Variants in CCAR1 observed in about 807,000 individuals in gnomAD.
CCAR1 encodes cell division cycle and apoptosis regulator 1.
A neutral mutation model predicts 163.8 loss-of-function variants in CCAR1; 78 were observed. The observed-to-expected ratio is 0.48, with a 90% confidence interval of 0.40 to 0.57. The LOEUF (loss-of-function observed/expected upper bound fraction) is 0.57, where lower values mean the gene tolerates loss of function less well. Ranked by LOEUF, CCAR1 falls within the 20% of genes least tolerant of loss-of-function variation. The probability of loss-of-function intolerance (pLI) is 0.00; values close to 1 mark genes in which losing one functional copy is unlikely to be tolerated. For synonymous variants in CCAR1, 443 were observed against 460.7 expected (o/e 0.96, Z 0.49); for missense variants, 1,019 against 1,365.2 (o/e 0.75, Z 4.00).
intron 21 of CCAR1, among the ~76,000 whole-genome samples, chr10:68,787,359 A>T (rs1436631168): frequency 6.6e-6 from 1 of 151,980 alleles, no homozygotes; most frequent in Non-Finnish European, 1.5e-5. Context: ...CATTATACAG[A>T]TGTACCATAA....
chr10:68,755,615 C>G, intron 13 of CCAR1, 79 bp downstream of exon 13: 1 of 1,278,344 alleles, frequency 7.8e-7, no homozygotes, highest in Non-Finnish European at 1.1e-6. Context: ...AGCCTTTTCC[C>G]CCCGGCTTAT....
intron 19 of CCAR1, among the ~76,000 whole-genome samples, 187 bp from the exon 20 acceptor site, chr10:68,785,943 TTTGTTG>T (rs985566001): frequency 6.6e-6 from 1 of 152,148 alleles, no homozygotes; most frequent in Non-Finnish European, 1.5e-5. Context: ...TCTTTATGTT[TTTGTTG>T]TTGTTGTTTA....
At chr10:68,752,872 A>AGATAG (rs2056348954) in intron 10 of CCAR1, among the ~76,000 whole-genome samples, 1 of 149,120 alleles carries the variant, frequency 6.7e-6, no homozygotes, top group African/African-American at 2.5e-5. Flanking sequence ...TTCTGCCTGT[A>AGATAG]GATAGGATAG....
At chr10:68,773,347 A>G (rs2056626169) in intron 19 of CCAR1, among the ~76,000 whole-genome samples, 1 of 152,098 alleles carries the variant, frequency 6.6e-6, no homozygotes, top group Admixed American at 6.6e-5. Context: ...TTCCCGGAAC[A>G]TGGTGCCTAA....
In CCAR1 at chr10:68,757,287, A is replaced by G. The variant is rs768398891; in HGVS notation, c.1837-7A>G. The G allele has an allele frequency of 1.4e-6, 2 of 1,433,072 alleles. No individual in the cohort carries two copies. The highest frequency in any genetic ancestry group is 2.0e-6 in the Non-Finnish European group (2 of 1,021,114). The allele number at this position is 1,433,072 out of a possible 1,614,324, so 88.8% of individuals were successfully genotyped here. A position where few individuals can be genotyped will look rare whatever the true frequency, so the allele number is the denominator to read the frequency against. On this transcript the variant is annotated splice_polypyrimidine_tract_variant and splice_region_variant and intron_variant, in intron 14 of 24. Transcript: ENST00000265872. ...ATAGTAATTACATTCTTAACTTTGT[A>G]TGTCAGGATGAAGAAGAGAAGGATG...
At chr10:68,742,103 G>A (rs1344181893) in intron 5 of CCAR1, among the ~76,000 whole-genome samples, 3 of 152,168 alleles carry the variant, frequency 2.0e-5, no homozygotes, top group Non-Finnish European at 2.9e-5. Flanking sequence ...TTTGAGGAAT[G>A]CTGAGTTCCT....
intron 12 of CCAR1, 128 bp downstream of exon 12, chr10:68,754,955 C>T: frequency 1.6e-6 from 1 of 611,066 alleles, no homozygotes; most frequent in Non-Finnish European, 2.9e-6. Context: ...TATTAAGGCA[C>T]CCAGAATTTA....
chr10:68,738,766 G>A (rs956666573), intron 4 of CCAR1, among the ~76,000 whole-genome samples: 1 of 152,062 alleles, frequency 6.6e-6, no homozygotes, highest in Admixed American at 6.6e-5. Flanking sequence ...GAGAAAGTTG[G>A]TGAGGCACAG....
intron 8 of CCAR1, among the ~76,000 whole-genome samples, chr10:68,748,048 T>G: frequency 6.6e-6 from 1 of 152,090 alleles, no homozygotes; most frequent in East Asian, 1.9e-4. Flanking sequence ...GATACAGGGT[T>G]TCACCACGTT....
intron 19 of CCAR1, among the ~76,000 whole-genome samples, chr10:68,778,524 T>C (rs2056696029): frequency 1.8e-5 from 1 of 55,638 alleles, no homozygotes; most frequent in African/African-American, 7.7e-5. Context: ...TGGTCTCTTA[T>C]CCTCTCCTTT....
chr10:68,788,077 A>G, intron 22 of CCAR1, 30 bp downstream of exon 22: 1 of 1,555,192 alleles, frequency 6.4e-7, no homozygotes, highest in Non-Finnish European at 8.7e-7. Context: ...TTTGCTTTTT[A>G]ATAAATATAC....
intron 2 of CCAR1, among the ~76,000 whole-genome samples, chr10:68,731,297 C>T (rs990627266): frequency 3.3e-5 from 5 of 152,140 alleles, no homozygotes; most frequent in African/African-American, 4.8e-5. Context: ...ACATTGAGTG[C>T]AGAATGCACA....
In CCAR1 at chr10:68,790,117, G is replaced by A. The variant is rs942845294; in HGVS notation, c.3393+202G>A. 2.6e-5 allele frequency among the ~76,000 whole-genome samples: 4 copies of A among 152,126 alleles called. 1 individual carries two copies. The highest frequency in any genetic ancestry group is 4.4e-5 in the Non-Finnish European group (3 of 68,020). ...ACCTGTAATCCCAGCACTTTGGGAGGCCAACGCGGGCGGATCACCTGAGGT... is the reference window on the plus strand; with the variant it reads ...ACCTGTAATCCCAGCACTTTGGGAGACCAACGCGGGCGGATCACCTGAGGT... On this transcript the variant is annotated intron_variant, in intron 24 of 24. Coordinates refer to ENST00000265872, the MANE Select transcript of CCAR1 (RefSeq NM_018237.4).
chr10:68,763,283 T>C (rs2056496943), intron 16 of CCAR1, among the ~76,000 whole-genome samples: 2 of 152,062 alleles, frequency 1.3e-5, no homozygotes, highest in Admixed American at 1.3e-4. Flanking sequence ...CCTGAGGAGC[T>C]GGGACTACAG....
At chr10:68,786,464 T>C (rs763809838) in intron 20 of CCAR1, 82 bp from the exon 21 acceptor site, 17 of 949,330 alleles carry the variant, frequency 1.8e-5, no homozygotes, top group Non-Finnish European at 2.0e-5. Context: ...TGCTATCTTA[T>C]GCACAGTCTC....
At chr10:68,790,421 T>TGA (rs1277094676) in intron 24 of CCAR1, among the ~76,000 whole-genome samples, 4 of 152,018 alleles carry the variant, frequency 2.6e-5, no homozygotes, top group African/African-American at 7.2e-5. Flanking sequence ...AATGTCAACA[T>TGA]GATTTAAGTA....
At chr10:68,766,278 C>G (rs1192627507) in intron 17 of CCAR1, among the ~76,000 whole-genome samples, 199 bp downstream of exon 17, 1 of 152,036 alleles carries the variant, frequency 6.6e-6, no homozygotes, top group Non-Finnish European at 1.5e-5. Flanking sequence ...TGGTGGCTCA[C>G]TGCAACCTCT....
At chr10:68,769,975 A>G (rs965543534) in intron 17 of CCAR1, among the ~76,000 whole-genome samples, 5 of 150,732 alleles carry the variant, frequency 3.3e-5, no homozygotes, top group Non-Finnish European at 5.9e-5. Context: ...ATATAGTTTT[A>G]GGTTTATGCG....
At chr10:68,743,162 A>T (rs898616617) in intron 6 of CCAR1, among the ~76,000 whole-genome samples, 1 of 150,558 alleles carries the variant, frequency 6.6e-6, no homozygotes. Flanking sequence ...TTGATAGGAT[A>T]ATCATTCCCT....
Sources: allele counts gnomAD v4.1 joint callset (sites outside exome capture counted in the v4.1 genomes callset), GRCh38; gene constraint gnomAD v4.1.1; transcripts MANE v1.5; gene names NCBI Gene and HGNC (gene_info 2026-07-23, HGNC 2026-07-21).